The following LOXL4 variants were observed in gnomAD, a reference collection of about 807,000 sequenced individuals.
LOXL4 encodes lysyl oxidase homolog 4.
A neutral mutation model predicts 89.1 loss-of-function variants in LOXL4; 72 were observed. The observed-to-expected ratio is 0.81, with a 90% CI of 0.67 to 0.98. LOXL4 has a LOEUF of 0.98. Among genes scored for constraint, LOXL4 ranks in the 50% least tolerant of loss-of-function variants. The probability of loss-of-function intolerance (pLI) is 0.00; values close to 1 mark genes in which losing one functional copy is unlikely to be tolerated. For synonymous variants in LOXL4, 355 were observed against 392.1 expected, an observed-to-expected ratio of 0.91 and a Z score of 1.12; for missense variants, 984 against 1,017.5, an observed-to-expected ratio of 0.97 and a Z score of 0.45.
intron 10 of LOXL4, among the ~76,000 whole-genome samples, chr10:98,255,238 C>T (rs1395311487): frequency 6.6e-6 from 1 of 152,226 alleles, no homozygotes; most frequent in Admixed American, 6.5e-5. Flanking sequence ...ATGCTGTAAC[C>T]CAGTATACAC....
intron 12 of LOXL4, 153 bp downstream of exon 12, chr10:98,252,200 A>C (rs1201329596): frequency 3.1e-6 from 2 of 638,090 alleles, no homozygotes; most frequent in South Asian, 1.9e-5. Context: ...AAGATTTCAG[A>C]AGGTAAGAAA....
chr10:98,250,027 C>T (rs911541775), intron 14 of LOXL4, among the ~76,000 whole-genome samples: 6 of 152,082 alleles, frequency 3.9e-5, no homozygotes, highest in African/African-American at 1.4e-4. Flanking sequence ...CTATCACAAC[C>T]CTCCCTGCAA....
rs1291768567 is a variant in LOXL4, at chr10:98,262,969, G to A, written c.51C>T (p.Gly17=). 31 of 1,613,648 alleles carry A rather than the reference G, an allele frequency of 1.9e-5. No individual in the cohort carries two copies. Among genetic ancestry groups the A allele is most frequent in the Non-Finnish European group, 2.5e-5 (29 of 1,180,018 alleles). Reference sequence around the variant, plus strand: ...ACTGTGGCCTGCTGGGAGGGGGCTGGCCTAGCAGCAGCAGGAACAGAAAGA... The same window carrying A: ...ACTGTGGCCTGCTGGGAGGGGGCTGACCTAGCAGCAGCAGGAACAGAAAGA... ...ATLFLFLLLL[G]QPPPSRPQSL... is the part of the protein sequence containing the mutation. The change falls in exon 2 of 15, where the codon GGC becomes GGT. Residue 17 remains glycine (G), a synonymous_variant. Transcript: ENST00000260702.
At position 98,251,107 on chromosome 10, in the gene LOXL4, T is replaced by G; in HGVS notation, c.2158A>C (p.Lys720Gln). ...FSNNMLQCRCKYDGHRVWLHN... is the reference protein window; with the variant it reads ...FSNNMLQCRCQYDGHRVWLHN... ...AGCCAGACCCGGTGCCCATCATACT[T>G]GCAGCGGCACTGCAGCATATTGTTG... Residue 720 changes from lysine (K) to glutamine (Q), a missense_variant, in exon 14 of 15, where the codon AAG (lysine) becomes CAG (glutamine). Physicochemically the swap from Lys to Gln is moderately conservative, Grantham distance 53. Transcript: ENST00000260702. The G allele has an allele frequency of 1.9e-6, 3 of 1,614,170 alleles. No homozygotes were observed. Among genetic ancestry groups the G allele is most frequent in the Non-Finnish European group, 2.5e-6 (3 of 1,180,032 alleles).
At chr10:98,256,498 C>T (rs927323215) in intron 9 of LOXL4, 11 of 461,286 alleles carry the variant, frequency 2.4e-5, no homozygotes, top group African/African-American at 2.2e-4. Context: ...TCTCTGGCCA[C>T]AGGGCTTTTG....
chr10:98,262,733 A>G lies in LOXL4; in HGVS notation c.277+10T>C, dbSNP rs780517741. ...CCTTGCCATCCCACTAGGTGGCACC[A>G]GTCACTCACCCTCCCCTTGGCCGTA... On this transcript the variant is annotated intron_variant, in intron 2 of 14. Coordinates refer to ENST00000260702, the MANE Select transcript of LOXL4 (RefSeq NM_032211.7). The G allele has an allele frequency of 5.6e-6, 9 of 1,607,696 alleles. No individual in the cohort carries two copies. Among genetic ancestry groups the G allele is most frequent in the Non-Finnish European group, 7.7e-6 (9 of 1,175,848 alleles).
In LOXL4 at chr10:98,261,006, T is replaced by C; in HGVS notation, c.578A>G (p.Gln193Arg). 6.2e-7 allele frequency: 1 copy of C among 1,614,028 alleles called. No individual in the cohort carries two copies. Among genetic ancestry groups the C allele is most frequent in the Non-Finnish European group, 8.5e-7 (1 of 1,180,022 alleles). ...YEGHWRQVCD[Q>R]GWTMNNSRVV... is the part of the protein sequence containing the mutation. ...CCTGCTGTTGTTCATGGTCCAGCCCTGGTCACACACCTGCCGCCAGTGGCC... is the reference window on the plus strand; with the variant it reads ...CCTGCTGTTGTTCATGGTCCAGCCCCGGTCACACACCTGCCGCCAGTGGCC... The change falls in exon 4 of 15, where the codon CAG (glutamine) becomes CGG (arginine). Residue 193 changes from glutamine to arginine, a missense_variant. Physicochemically the swap from Gln to Arg is conservative, Grantham distance 43 (BLOSUM62 1). Transcript: ENST00000260702.
chr10:98,253,656 A>G lies in LOXL4; in HGVS notation c.1732T>C (p.Tyr578His). The change falls in exon 11 of 15, where the codon TAC becomes CAC. Residue 578 changes from tyrosine to histidine, a missense_variant. Tyr to His is a moderately conservative substitution (Grantham distance 83, BLOSUM62 2). Coordinates refer to ENST00000260702, the MANE Select transcript of LOXL4 (RefSeq NM_032211.7). Reference protein sequence around the residue: ...SADHMDWPYGYRRLLRFSTQI... With the variant: ...SADHMDWPYGHRRLLRFSTQI... The stretch of plus-strand genomic sequence containing the variant: ...GTGGAGAAGCGCAATAGGCGGCGGT[A>G]TCCGTAGGGCCAGTCCATGTGATCC... 1 of 1,614,254 alleles carries G rather than the reference A, an allele frequency of 6.2e-7. No individual in the cohort carries two copies. The highest frequency in any genetic ancestry group is 8.5e-7 in the Non-Finnish European group (1 of 1,180,040).
chr10:98,262,889 C>A lies in LOXL4; in HGVS notation c.131G>T (p.Gly44Val), dbSNP rs1455100662. 5.6e-6 allele frequency: 9 copies of A among 1,613,594 alleles called. No individual in the cohort carries two copies. The South Asian group carries it at 9.9e-5, about 18-fold the overall frequency. The part of the protein sequence containing the change: ...LVGPESKPEE[G>V]RLEVLHQGQW... ...GCCCTGGTGCAGCACCTCCAGGCGG[C>A]CCTCCTCTGGCTTGCTCTCTGGGCC... The change falls in exon 2 of 15, where the codon GGC becomes GTC. Residue 44 changes from glycine to valine, a missense_variant. Transcript: ENST00000260702.
intron 1 of LOXL4, 97 bp from the exon 2 acceptor site, chr10:98,263,148 A>C (rs1211302579): frequency 2.2e-6 from 2 of 916,450 alleles, no homozygotes; most frequent in Non-Finnish European, 1.6e-6. Flanking sequence ...AAGGAAAGAA[A>C]ACCCCCCTCA....
In LOXL4 at chr10:98,261,902, G is replaced by A. The variant is rs145762621; in HGVS notation, c.456+133C>T. ...CTGCTGCAGGGCACACTCAGGAGTC[G>A]GCGGCCTGGGGACGATGCTCAGTGC... On this transcript the variant is annotated intron_variant, in intron 3 of 14. Coordinates refer to ENST00000260702, the MANE Select transcript of LOXL4 (RefSeq NM_032211.7). The A allele has an allele frequency of 4.9e-3, 4,591 of 928,988 alleles. 15 individuals are homozygous for A. The highest frequency in any genetic ancestry group is 6.1e-3 in the Non-Finnish European group (4,061 of 660,504). 57.5% of individuals were successfully genotyped at this position (928,988 alleles called of 1,614,324 possible).
At chr10:98,261,999 C>T (rs1291818648) in intron 3 of LOXL4, 36 bp downstream of exon 3, 1 of 1,561,564 alleles carries the variant, frequency 6.4e-7, no homozygotes, top group African/African-American at 1.4e-5. Context: ...CTGACCCAGC[C>T]CTTGGCTCAG....
intron 11 of LOXL4, among the ~76,000 whole-genome samples, 192 bp downstream of exon 11, chr10:98,253,361 T>C (rs549561047): frequency 6.6e-6 from 1 of 152,338 alleles, no homozygotes; most frequent in African/African-American, 2.4e-5. Flanking sequence ...ACCATTGACA[T>C]AGTGAAGGCG....
At chr10:98,251,904 C>G (rs1026951982) in intron 12 of LOXL4, 14 of 619,024 alleles carry the variant, frequency 2.3e-5, no homozygotes, top group Middle Eastern at 4.2e-4. Flanking sequence ...GTGCAAATCC[C>G]TGTTGAACTA....
At chr10:98,263,166 GTGTGTGTGCA>G in intron 1 of LOXL4, 115 bp from the exon 2 acceptor site, 1 of 730,650 alleles carries the variant, frequency 1.4e-6, no homozygotes, top group Non-Finnish European at 2.2e-6. Context: ...TCAAATGTGT[GTGTGTGTGCA>G]CGCGCACACA....
rs146774088 is a variant in LOXL4, at chr10:98,249,353, G to C, written c.2201-362C>G. ...TGAGTTGGGTCAATGGAAAGCAACAGCAGAAGGTCAGAGGGTGGAAGGAGA... is the reference window on the plus strand; with the variant it reads ...TGAGTTGGGTCAATGGAAAGCAACACCAGAAGGTCAGAGGGTGGAAGGAGA... On this transcript the variant is annotated intron_variant, in intron 14 of 14. Coordinates refer to ENST00000260702, the MANE Select transcript of LOXL4 (RefSeq NM_032211.7). Among the ~76,000 whole-genome samples the C allele has an allele frequency of 3.0e-4, 45 of 152,270 alleles. No homozygotes were observed. In the East Asian group the frequency reaches 6.8e-3, roughly 23 times the overall value.
Position 98,251,563 on chromosome 10 carries a change from T to A in LOXL4, c.2088+3A>T, listed in dbSNP as rs1858192846. On this transcript the variant is annotated splice_donor_region_variant and intron_variant, in intron 13 of 14. Coordinates refer to ENST00000260702, the MANE Select transcript of LOXL4 (RefSeq NM_032211.7). ...TCTGTGGGGAATCCCCCAGCCGCCT[T>A]ACCTGGAAGATATAATTCCCGGGGC... 1 of 1,613,926 alleles carries A rather than the reference T, an allele frequency of 6.2e-7. No individual in the cohort carries two copies. Among genetic ancestry groups the A allele is most frequent in the Non-Finnish European group, 8.5e-7 (1 of 1,179,986 alleles).
chr10:98,262,107 T>G lies in LOXL4; in HGVS notation c.384A>C (p.Val128=), dbSNP rs1187995523. 8.1e-6 allele frequency: 13 copies of G among 1,613,238 alleles called. No homozygotes were observed. Among genetic ancestry groups the G allele is most frequent in the Admixed American group, 3.3e-5 (2 of 59,974 alleles). The change falls in exon 3 of 15, where the codon GTA becomes GTC. Residue 128 remains valine, a synonymous_variant. Transcript: ENST00000260702. ...GVSDCSHSED[V]GVICHPRRHR... The stretch of plus-strand genomic sequence containing the variant: ...GGCGCCGGGGGTGGCATATCACCCC[T>G]ACGTCTTCTGAGTGACTGCAGTCAC...
rs1394921146 is a variant in LOXL4, at chr10:98,261,109, C to A, written c.475G>T (p.Val159Leu). ...LGPQGRRLEE[V>L]RLKPILASAK... ...CTGGCAAGGATGGGCTTGAGCCGCA[C>A]CTCCTCCAGCCGCCGGCCCTGCGGG... The change falls in exon 4 of 15, where the codon GTG (valine) becomes TTG (leucine). Residue 159 changes from valine to leucine, a missense_variant. Val to Leu is a conservative substitution (Grantham distance 32). Transcript: ENST00000260702. 1 of 1,612,414 alleles carries A rather than the reference C, an allele frequency of 6.2e-7. No homozygotes were observed. The highest frequency in any genetic ancestry group is 8.5e-7 in the Non-Finnish European group (1 of 1,180,002).
Sources: allele counts gnomAD v4.1 joint callset (sites outside exome capture counted in the v4.1 genomes callset), GRCh38; gene constraint gnomAD v4.1.1; transcripts MANE v1.5; gene names NCBI Gene and HGNC (gene_info 2026-07-23, HGNC 2026-07-21).